Variants in GABPB1 observed in about 807,000 individuals in gnomAD.
GABPB1 encodes GA binding protein transcription factor subunit beta 1, also known as GA-binding protein subunit beta-1.
A neutral mutation model predicts 45.9 loss-of-function variants in GABPB1; 15 were observed. The ratio of observed to expected loss-of-function variants is 0.33; its 90% CI spans 0.22 to 0.50. The LOEUF is 0.50. Among genes scored for constraint, GABPB1 ranks in the 20% least tolerant of loss-of-function variants. The pLI is 0.98. For missense variants in GABPB1, 252 were observed against 457.5 expected (o/e 0.55, Z 4.10); for synonymous variants, 143 against 154.4 (o/e 0.93, Z 0.55).
intron 1 of GABPB1, among the ~76,000 whole-genome samples, chr15:50,344,723 A>G (rs2048501267): frequency 6.6e-6 from 1 of 152,160 alleles, no homozygotes; most frequent in Non-Finnish European, 1.5e-5. Context: ...CTGAAATCCC[A>G]GCTACTCAGG....
intron 3 of GABPB1, among the ~76,000 whole-genome samples, 182 bp from the exon 4 acceptor site, chr15:50,303,305 T>C (rs2141028045): frequency 6.6e-6 from 1 of 152,266 alleles, no homozygotes; most frequent in East Asian, 1.9e-4. Flanking sequence ...TCCCAGCACT[T>C]TGGGAGGCCG....
chr15:50,354,126 T>G (rs1304947928), intron 1 of GABPB1: 1 of 303,522 alleles, frequency 3.3e-6, no homozygotes. Context: ...CTAGGCACGC[T>G]GATTCAACAC....
chr15:50,341,742 C>T lies in GABPB1; in HGVS notation c.-1+13243G>A, dbSNP rs80338059. ...TACAACATAGCCCACAAATGTAAAC[C>T]GTCTTCCTCTAGGGCACAATTGAGG... is the stretch of plus-strand genomic sequence containing the variant. On this transcript the variant is annotated intron_variant, in intron 1 of 8. Transcript: ENST00000380877. Among the ~76,000 whole-genome samples, 1,146 of 152,164 alleles carry T rather than the reference C, an allele frequency of 7.5e-3. 50 individuals carry two copies. In the East Asian group the frequency reaches 0.12, roughly 16 times the overall value.
intron 1 of GABPB1, among the ~76,000 whole-genome samples, chr15:50,313,517 T>C (rs981518870): frequency 2.0e-5 from 3 of 152,094 alleles, no homozygotes; most frequent in African/African-American, 7.2e-5. Context: ...AGGAAAAATA[T>C]ATTGAAACAG....
chr15:50,287,625 A>C (rs1179940736), intron 7 of GABPB1, among the ~76,000 whole-genome samples: 1 of 152,212 alleles, frequency 6.6e-6, no homozygotes, highest in African/African-American at 2.4e-5. Flanking sequence ...AACCTGCCCA[A>C]CACCTTGATC....
intron 6 of GABPB1, among the ~76,000 whole-genome samples, chr15:50,300,002 G>A (rs2046669733): frequency 6.6e-6 from 1 of 151,958 alleles, no homozygotes; most frequent in Non-Finnish European, 1.5e-5. Flanking sequence ...TTTTTTGGTA[G>A]AGATAGGGTT....
intron 1 of GABPB1, among the ~76,000 whole-genome samples, chr15:50,323,071 T>C (rs1014855592): frequency 6.6e-6 from 1 of 152,146 alleles, no homozygotes; most frequent in African/African-American, 2.4e-5. Flanking sequence ...GATTAAACTC[T>C]ATTACGAAAA....
intron 1 of GABPB1, among the ~76,000 whole-genome samples, chr15:50,316,239 G>C (rs2047322583): frequency 6.6e-6 from 1 of 152,102 alleles, no homozygotes; most frequent in Admixed American, 6.6e-5. Flanking sequence ...TACATGCCAA[G>C]ATGGCCATCT....
rs536717299 is a variant in GABPB1, at chr15:50,343,249, C to T, written c.-1+11736G>A. ...GTCTCCCCATCATCTCTTCTCAGCT[C>T]ATCTATCAATCTCCCCATCATCTCT... On this transcript the variant is annotated intron_variant, in intron 1 of 8. Coordinates refer to ENST00000380877, the MANE Select transcript of GABPB1 (RefSeq NM_016654.5). Among the ~76,000 whole-genome samples, 6 of 152,116 alleles carry T rather than the reference C, an allele frequency of 3.9e-5. No individual in the cohort carries two copies. The South Asian group carries it at 8.3e-4, about 21-fold the overall frequency.
At chr15:50,314,683 G>C (rs1283858139) in intron 1 of GABPB1, 1 of 151,034 alleles carries the variant, frequency 6.6e-6, no homozygotes, top group African/African-American at 2.5e-5. Flanking sequence ...GTAGGACAAA[G>C]AATTGTCACA....
At position 50,278,639 on chromosome 15, in the gene GABPB1, G is replaced by C; in HGVS notation, c.1145C>G (p.Ala382Gly). The change falls in exon 9 of 9, where the codon GCT becomes GGT. Residue 382 changes from alanine (A) to glycine (G), a missense_variant. Coordinates refer to ENST00000380877, the MANE Select transcript of GABPB1 (RefSeq NM_016654.5). ...ACTACATGTTCATTTCAATTAAACA[G>C]CTTCTTTATTAGTCTGAAGACGAGT... is the stretch of plus-strand genomic sequence containing the variant. ...AMTRLQTNKE[A>G]V 6 of 1,608,888 alleles carry C rather than the reference G, an allele frequency of 3.7e-6. No homozygotes were observed. Among genetic ancestry groups the C allele is most frequent in the Non-Finnish European group, 5.1e-6 (6 of 1,178,570 alleles).
intron 6 of GABPB1, among the ~76,000 whole-genome samples, chr15:50,292,875 C>T (rs2046396334): frequency 1.6e-5 from 2 of 125,588 alleles, no homozygotes; most frequent in South Asian, 2.6e-4. Flanking sequence ...TGTGTACATG[C>T]ACACATGTGT....
intron 1 of GABPB1, among the ~76,000 whole-genome samples, chr15:50,339,063 G>T (rs2141150277): frequency 6.6e-6 from 1 of 152,186 alleles, no homozygotes; most frequent in East Asian, 1.9e-4. Flanking sequence ...AGCACTTTGG[G>T]AGGCCAAGAC....
chr15:50,321,982 C>CAA (rs34649125), intron 1 of GABPB1, among the ~76,000 whole-genome samples: 18 of 136,350 alleles, frequency 1.3e-4, no homozygotes, highest in East Asian at 6.8e-4. Context: ...CAGATGTGAC[C>CAA]AAAAAAAAAA....
intron 1 of GABPB1, among the ~76,000 whole-genome samples, chr15:50,344,616 G>A (rs1011625968): frequency 6.6e-6 from 1 of 152,108 alleles, no homozygotes; most frequent in Admixed American, 6.5e-5. Context: ...CGAGGAGGGC[G>A]GCACCTGAGG....
intron 1 of GABPB1, chr15:50,349,255 T>C (rs977499066): frequency 1.3e-5 from 2 of 151,742 alleles, no homozygotes; most frequent in Non-Finnish European, 2.9e-5. Flanking sequence ...TACACATTAC[T>C]ACCTTGCCCA....
intron 2 of GABPB1, among the ~76,000 whole-genome samples, chr15:50,306,498 G>A (rs997266432): frequency 6.6e-6 from 1 of 151,840 alleles, no homozygotes; most frequent in Non-Finnish European, 1.5e-5. Context: ...GTGAGGGTGG[G>A]CGCCTGTTAT....
intron 8 of GABPB1, among the ~76,000 whole-genome samples, chr15:50,281,431 T>C (rs1017385109): frequency 4.6e-5 from 7 of 152,194 alleles, no homozygotes; most frequent in South Asian, 2.1e-4. Context: ...CAGGATGGTC[T>C]CAATCTCCTG....
intron 1 of GABPB1, chr15:50,349,671 C>CA (rs1469952071): frequency 6.6e-6 from 1 of 152,146 alleles, no homozygotes; most frequent in Non-Finnish European, 1.5e-5. Flanking sequence ...AGGAATCAAA[C>CA]AAAAAATTAC....
Sources: gnomAD v4.1 joint callset for allele counts (sites outside exome capture counted in the v4.1 genomes callset) on GRCh38, gnomAD v4.1.1 for gene constraint, MANE v1.5 for transcripts, NCBI Gene and HGNC (gene_info 2026-07-23, HGNC 2026-07-21) for gene names.